Variants in NCOA2 observed in about 807,000 individuals in gnomAD.
NCOA2 encodes class E basic helix-loop-helix protein 75.
NCOA2 carries 21 observed loss-of-function variants against 145.1 expected under a neutral mutation model. The ratio of observed to expected loss-of-function variants is 0.14; its 90% CI spans 0.10 to 0.21. The LOEUF (loss-of-function observed/expected upper bound fraction) is 0.21, where lower values mean the gene tolerates loss of function less well. Among genes scored for constraint, NCOA2 ranks in the 10% least tolerant of loss-of-function variants. NCOA2 has a pLI of 1.00. For missense variants in NCOA2, 1,472 were observed against 1,837.6 expected (o/e 0.80, Z 3.64); for synonymous variants, 619 against 637.5 (o/e 0.97, Z 0.44).
intron 1 of NCOA2, among the ~76,000 whole-genome samples, chr8:70,297,888 T>G (rs1827204914): frequency 6.6e-6 from 1 of 152,218 alleles, no homozygotes; most frequent in Admixed American, 6.5e-5. Context: ...AAACAAGAAG[T>G]ATGTGCTTAC....
intron 1 of NCOA2, among the ~76,000 whole-genome samples, chr8:70,391,843 A>C (rs1186028222): frequency 6.6e-6 from 1 of 152,218 alleles, no homozygotes; most frequent in Non-Finnish European, 1.5e-5. Context: ...TGAAAAACTG[A>C]AATAGAGCTG....
At chr8:70,454,862 A>C in the NCOA2 span, among the ~76,000 whole-genome samples, 628 of 152,340 alleles carry the variant, frequency 4.1e-3, 8 homozygotes, top group African/African-American at 0.014. Flanking sequence ...TTAGATACAG[A>C]ATTTTCCATA....
intron 2 of NCOA2, among the ~76,000 whole-genome samples, chr8:70,272,457 C>G (rs1226696477): frequency 6.6e-6 from 1 of 152,200 alleles, no homozygotes; most frequent in African/African-American, 2.4e-5. Context: ...TCTGGTTATA[C>G]TATCATGTGC....
intron 2 of NCOA2, among the ~76,000 whole-genome samples, chr8:70,255,005 CA>C (rs1243674904): frequency 7.2e-5 from 11 of 152,004 alleles, no homozygotes; most frequent in Non-Finnish European, 2.9e-5. Flanking sequence ...TGTCAGCTGC[CA>C]AATTAGGAAA....
intron 1 of NCOA2, among the ~76,000 whole-genome samples, chr8:70,364,264 G>A (rs1006069058): frequency 6.6e-6 from 1 of 151,926 alleles, no homozygotes; most frequent in Admixed American, 6.6e-5. Flanking sequence ...AAAAGGAAAT[G>A]TCATATCTGA....
intron 1 of NCOA2, among the ~76,000 whole-genome samples, chr8:70,329,926 T>G (rs1036621227): frequency 6.6e-6 from 1 of 152,122 alleles, no homozygotes; most frequent in South Asian, 2.1e-4. Context: ...ACAGCGGTTA[T>G]CTCTGGGGAA....
At chr8:70,275,547 A>G (rs1323104553) in intron 2 of NCOA2, among the ~76,000 whole-genome samples, 5 of 152,208 alleles carry the variant, frequency 3.3e-5, no homozygotes, top group African/African-American at 1.2e-4. Context: ...GGAATCTGAT[A>G]CCTTAAAACA....
chr8:70,342,020 T>G (rs931740418), intron 1 of NCOA2, among the ~76,000 whole-genome samples: 7 of 152,206 alleles, frequency 4.6e-5, no homozygotes, highest in African/African-American at 1.7e-4. Context: ...CTTTTTAAAC[T>G]TTTAAAAAAT....
intron 1 of NCOA2, among the ~76,000 whole-genome samples, chr8:70,365,045 A>AT (rs1366932304): frequency 3.9e-5 from 6 of 152,190 alleles, no homozygotes; most frequent in Non-Finnish European, 8.8e-5. Flanking sequence ...TCTTTAGAAC[A>AT]TATGTGTCTG....
intron 1 of NCOA2, among the ~76,000 whole-genome samples, chr8:70,356,503 A>G (rs965723529): frequency 3.3e-5 from 5 of 152,188 alleles, no homozygotes; most frequent in African/African-American, 7.2e-5. Context: ...TTTAAAAAGG[A>G]CAAGTGGAGA....
chr8:70,166,455 A>G, intron 7 of NCOA2, 111 bp downstream of exon 7: 1 of 1,257,768 alleles, frequency 8.0e-7, no homozygotes, highest in Non-Finnish European at 1.1e-6. Context: ...TGAAAAGAAC[A>G]AAGATACTGC....
chr8:70,165,984 C>G (rs1444705087), intron 7 of NCOA2, among the ~76,000 whole-genome samples: 1 of 152,194 alleles, frequency 6.6e-6, no homozygotes, highest in Middle Eastern at 3.4e-3. Context: ...CCACCACGCC[C>G]GGCTACTTTT....
intron 4 of NCOA2, among the ~76,000 whole-genome samples, chr8:70,185,594 T>A (rs1392789476): frequency 2.0e-5 from 3 of 152,220 alleles, no homozygotes; most frequent in East Asian, 3.9e-4. Flanking sequence ...AAGCTCTCTG[T>A]GGACAGGGTC....
At chr8:70,208,073 A>G (rs1818648283) in intron 4 of NCOA2, among the ~76,000 whole-genome samples, 2 of 151,872 alleles carry the variant, frequency 1.3e-5, no homozygotes, top group Non-Finnish European at 2.9e-5. Flanking sequence ...CCACCTAGTG[A>G]GATCCCATCT....
chr8:70,334,361 T>C (rs1807379925), intron 1 of NCOA2, among the ~76,000 whole-genome samples: 1 of 152,178 alleles, frequency 6.6e-6, no homozygotes, highest in Admixed American at 6.5e-5. Flanking sequence ...CTTCCCTGTA[T>C]CTTTCTGTGT....
At chr8:70,327,963 C>T (rs1478526823) in intron 1 of NCOA2, among the ~76,000 whole-genome samples, 1 of 152,176 alleles carries the variant, frequency 6.6e-6, no homozygotes, top group Admixed American at 6.5e-5. Context: ...TTGTCATTAA[C>T]CTTACCAAGA....
chr8:70,274,068 G>A lies in NCOA2; in HGVS notation c.-20+22676C>T, dbSNP rs532062506. Among the ~76,000 whole-genome samples the A allele has an allele frequency of 2.6e-5, 4 of 152,312 alleles. No homozygotes were observed. In the East Asian group the frequency reaches 7.7e-4, roughly 29 times the overall value. ...GCAGCTAATTAAGCCGAAGAAGTCT[G>A]TGAATAAAGTTTGAAACAAAGGTTA... On this transcript the variant is annotated intron_variant, in intron 2 of 22. Transcript: ENST00000452400.
intron 1 of NCOA2, among the ~76,000 whole-genome samples, chr8:70,310,397 C>G (rs956535274): frequency 8.0e-5 from 12 of 150,430 alleles, no homozygotes; most frequent in African/African-American, 2.9e-4. Flanking sequence ...AGTTTGAGTT[C>G]CTCTATGAGA....
chr8:70,362,905 C>T (rs537941770), intron 1 of NCOA2, among the ~76,000 whole-genome samples: 1 of 151,138 alleles, frequency 6.6e-6, no homozygotes, highest in South Asian at 2.1e-4. Context: ...TGGCAAAACC[C>T]CGTCTCTACA....
Sources: allele counts gnomAD v4.1 joint callset (sites outside exome capture counted in the v4.1 genomes callset), GRCh38; gene constraint gnomAD v4.1.1; transcripts MANE v1.5; gene names NCBI Gene and HGNC (gene_info 2026-07-23, HGNC 2026-07-21).